ZNF420: variants seen among roughly 807,000 people sequenced by gnomAD.
ZNF420 encodes the protein zinc finger protein 420, also known as ATM and p53-associated KZNF protein.
Under a neutral mutation model 44.7 loss-of-function variants are expected in ZNF420, and 31 were observed. The ratio of observed to expected loss-of-function variants is 0.69; its 90% CI spans 0.52 to 0.94. The LOEUF is 0.94. ZNF420 is among the 40% of genes least tolerant of loss of function. The probability of loss-of-function intolerance (pLI) is 0.00; values close to 1 mark genes in which losing one functional copy is unlikely to be tolerated. For missense variants in ZNF420, 681 were observed against 827.9 expected (o/e 0.82, Z 2.18); for synonymous variants, 245 against 267.4 (o/e 0.92, Z 0.82).
At chr19:37,083,216 A>G (rs1968568586) in intron 2 of ZNF420, among the ~76,000 whole-genome samples, 1 of 150,188 alleles carries the variant, frequency 6.7e-6, no homozygotes, top group Admixed American at 6.6e-5. Flanking sequence ...AGTGATGTGC[A>G]CTTCTCTGAA....
intron 1 of ZNF420, among the ~76,000 whole-genome samples, chr19:37,049,351 A>G (rs565194494): frequency 2.0e-5 from 3 of 152,210 alleles, no homozygotes; most frequent in Admixed American, 6.5e-5. Flanking sequence ...AAGTGTTCCT[A>G]TTTCTCCACA....
At chr19:37,021,888 G>T (rs2074651502) in intron 1 of ZNF420, among the ~76,000 whole-genome samples, 2 of 133,804 alleles carry the variant, frequency 1.5e-5, no homozygotes, top group South Asian at 2.5e-4. Context: ...GGTGAGCCGA[G>T]ATCGTGCCAC....
intron 1 of ZNF420, among the ~76,000 whole-genome samples, chr19:37,011,671 G>A (rs2074569989): frequency 6.6e-6 from 1 of 151,986 alleles, no homozygotes; most frequent in Admixed American, 6.5e-5. Flanking sequence ...GCTTTTCCTT[G>A]ACGTTGTTGG....
At chr19:37,077,721 G>A (rs1233173110), upstream of ZNF420, among the ~76,000 whole-genome samples, 1 of 152,084 alleles carries the variant, frequency 6.6e-6, no homozygotes, top group Admixed American at 6.6e-5. Context: ...AAGAAAGCAC[G>A]TTTATATAAC....
chr19:37,019,780 AAATT>A (rs1451540161), intron 1 of ZNF420, among the ~76,000 whole-genome samples: 4 of 151,826 alleles, frequency 2.6e-5, no homozygotes, highest in African/African-American at 9.7e-5. Context: ...AAAAAAAAAA[AAATT>A]AAAAATAGAA....
intron 1 of ZNF420, among the ~76,000 whole-genome samples, chr19:37,061,941 A>T (rs531171570): frequency 4.6e-5 from 7 of 152,154 alleles, no homozygotes; most frequent in Non-Finnish European, 1.0e-4. Flanking sequence ...CAACTTAACA[A>T]CTCTTTAATT....
chr19:37,069,795 A>G (rs1368910745), intron 1 of ZNF420, among the ~76,000 whole-genome samples: 1 of 152,138 alleles, frequency 6.6e-6, no homozygotes, highest in Non-Finnish European at 1.5e-5. Flanking sequence ...GGATGCAGCT[A>G]AAGTTGGACC....
rs372512034 is a variant in ZNF420, at chr19:37,127,516, C to T, written c.525C>T (p.Ala175=). The change falls in exon 5 of 5, where the codon GCC becomes GCT. Residue 175 remains alanine, a synonymous_variant. Transcript: ENST00000337995. ...KPYECKQCGK[A]FSRDSQLSLH... is the part of the protein sequence containing the mutation. ...ATGAATGTAAGCAATGCGGGAAGGC[C>T]TTTAGTCGTGATTCACAACTCAGTC... 5 of 1,613,630 alleles carry T rather than the reference C, an allele frequency of 3.1e-6. No individual in the cohort carries two copies. The African/African-American group carries it at 5.3e-5, about 17-fold the overall frequency.
chr19:37,039,175 C>T (rs1967410595), intron 1 of ZNF420, among the ~76,000 whole-genome samples: 1 of 152,186 alleles, frequency 6.6e-6, no homozygotes, highest in Admixed American at 6.5e-5. Context: ...ATTAATGCTG[C>T]TACTTTTACC....
At position 37,128,354 on chromosome 19, in the gene ZNF420, A is replaced by C. The variant is rs751210572; in HGVS notation, c.1363A>C (p.Thr455Pro). ...KPYECKECGKTFSRGSELTQH... is the reference protein window; with the variant it reads ...KPYECKECGKPFSRGSELTQH... ...CTATGAATGTAAAGAATGTGGAAAA[A>C]CCTTTAGTCGTGGCTCAGAACTTAC... Residue 455 changes from threonine (T) to proline (P), a missense_variant, in exon 5 of 5, where the codon ACC becomes CCC. Thr to Pro is a conservative substitution (Grantham distance 38). Around this residue, in one of 3 missense-constraint regions of ZNF420, gnomAD observed 280 missense variants for 338.6 expected, o/e 0.83. Transcript: ENST00000337995. 6 of 1,612,512 alleles carry C rather than the reference A, an allele frequency of 3.7e-6. No homozygotes were observed. The highest frequency in any genetic ancestry group is 5.1e-6 in the Non-Finnish European group (6 of 1,179,536).
At chr19:37,100,128 T>C (rs1969682747) in intron 4 of ZNF420, among the ~76,000 whole-genome samples, 1 of 152,190 alleles carries the variant, frequency 6.6e-6, no homozygotes, top group African/African-American at 2.4e-5. Context: ...CCATTTTGAG[T>C]TGAGTGGTGA....
chr19:37,037,394 G>A (rs931154963), intron 1 of ZNF420, among the ~76,000 whole-genome samples: 1 of 152,182 alleles, frequency 6.6e-6, no homozygotes, highest in Non-Finnish European at 1.5e-5. Context: ...TCTTCTCAGC[G>A]CATCTTTCAC....
Position 37,128,041 on chromosome 19 carries a change from G to A in ZNF420, c.1050G>A (p.Leu350=). 1 of 1,611,220 alleles carries A rather than the reference G, an allele frequency of 6.2e-7. No individual in the cohort carries two copies. Among genetic ancestry groups the A allele is most frequent in the Non-Finnish European group, 8.5e-7 (1 of 1,179,124 alleles). ...GGGCCTTTATTCGGGGCTCACTACTGATGCAACATCAGAGGATTCATACTG... is the reference window on the plus strand; with the variant it reads ...GGGCCTTTATTCGGGGCTCACTACTAATGCAACATCAGAGGATTCATACTG... ...CGRAFIRGSL[L]MQHQRIHTGE... is the part of the protein sequence containing the mutation. The change falls in exon 5 of 5, where the codon CTG becomes CTA. Residue 350 remains leucine (L), a synonymous_variant. Coordinates refer to ENST00000337995, the MANE Select transcript of ZNF420 (RefSeq NM_144689.5).
At chr19:37,062,545 A>T (rs192009675) in intron 1 of ZNF420, among the ~76,000 whole-genome samples, 1 of 152,350 alleles carries the variant, frequency 6.6e-6, no homozygotes, top group Non-Finnish European at 1.5e-5. Flanking sequence ...TATGAAGGCC[A>T]GATTCAAATT....
At chr19:37,050,681 C>G (rs1378663607) in intron 1 of ZNF420, among the ~76,000 whole-genome samples, 1 of 152,190 alleles carries the variant, frequency 6.6e-6, no homozygotes, top group Non-Finnish European at 1.5e-5. Flanking sequence ...TTGATTTCCT[C>G]TTTTCCTAAT....
At chr19:37,054,333 C>T (rs1967702735) in intron 1 of ZNF420, among the ~76,000 whole-genome samples, 1 of 152,226 alleles carries the variant, frequency 6.6e-6, no homozygotes, top group Non-Finnish European at 1.5e-5. Context: ...TGCCCTGCTT[C>T]AGCTCATGCT....
At chr19:37,088,968 G>A in intron 2 of ZNF420, 71 bp from the exon 3 acceptor site, 1 of 724,024 alleles carries the variant, frequency 1.4e-6, no homozygotes, top group Non-Finnish European at 2.5e-6. Flanking sequence ...GAACAACAAA[G>A]ATAATTCCAA....
intron 1 of ZNF420, among the ~76,000 whole-genome samples, chr19:37,061,559 A>G (rs764876995): frequency 1.3e-5 from 2 of 152,238 alleles, no homozygotes; most frequent in Non-Finnish European, 2.9e-5. Flanking sequence ...AAAAGAATTC[A>G]TAAGTGGAAA....
Position 37,032,507 on chromosome 19 carries a change from G to GAAA in ZNF420, c.-125+24439_-125+24441dup, listed in dbSNP as rs35765701. On this transcript the variant is annotated intron_variant, in intron 1 of 4. Transcript: ENST00000587029. ...CAGCAGAGTGAGACTCGGTCTTTAAGAAAAAAAAAAAAAAAAGGCTGGGTG... is the reference window on the plus strand; with the variant it reads ...CAGCAGAGTGAGACTCGGTCTTTAAGAAAAAAAAAAAAAAAAAAAGGCTGGGTG... Among the ~76,000 whole-genome samples, 770 of 124,106 alleles carry GAAA rather than the reference G, an allele frequency of 6.2e-3. 16 individuals are homozygous for GAAA. Among genetic ancestry groups the GAAA allele is most frequent in the South Asian group, 9.2e-3 (32 of 3,476 alleles). 81.4% of individuals were successfully genotyped at this position (124,106 alleles called of 152,430 possible).
Sources: allele counts gnomAD v4.1 joint callset (sites outside exome capture counted in the v4.1 genomes callset), GRCh38; gene constraint gnomAD v4.1.1; regional missense constraint gnomAD v4.1.1; transcripts MANE v1.5; gene names NCBI Gene and HGNC (gene_info 2026-07-23, HGNC 2026-07-21).